Variants in FBXL13 observed in about 807,000 individuals in gnomAD.
FBXL13 encodes F-box and leucine-rich repeat protein 13.
A neutral mutation model predicts 83.6 loss-of-function variants in FBXL13; 67 were observed. That is an observed-to-expected ratio of 0.80 (90% CI 0.66 to 0.98). FBXL13 has a LOEUF of 0.98. FBXL13 is among the 50% of genes least tolerant of loss of function. The pLI is 0.00. For missense variants in FBXL13, 822 were observed against 866.5 expected (o/e 0.95, Z 0.64); for synonymous variants, 272 against 299.5 (o/e 0.91, Z 0.95).
At chr7:102,815,134 A>G (rs1194181280) in intron 19 of FBXL13, among the ~76,000 whole-genome samples, 1 of 148,958 alleles carries the variant, frequency 6.7e-6, no homozygotes, top group African/African-American at 2.6e-5. Context: ...ACCCATCTCT[A>G]TCAGTCTAAA....
Position 103,039,891 on chromosome 7 carries a change from A to G in FBXL13, c.1-10473T>C, listed in dbSNP as rs1337559727. ...AAAAACATTCCAAATGGTAAAGACC[A>G]TCGATGCTATGAAGAAACTGCATCA... On this transcript the variant is annotated intron_variant, in intron 2 of 19. Transcript: ENST00000313221. Among the ~76,000 whole-genome samples the G allele has an allele frequency of 2.0e-5, 3 of 152,182 alleles. 1 individual carries two copies. In the East Asian group the frequency reaches 5.8e-4, roughly 29 times the overall value.
At chr7:102,966,064 G>A (rs186676856) in intron 7 of FBXL13, among the ~76,000 whole-genome samples, 6 of 152,244 alleles carry the variant, frequency 3.9e-5, no homozygotes, top group Non-Finnish European at 7.4e-5. Flanking sequence ...TCTTTACGTC[G>A]CATCTGGACA....
At chr7:103,036,538 T>G (rs970922502) in intron 2 of FBXL13, among the ~76,000 whole-genome samples, 1 of 152,194 alleles carries the variant, frequency 6.6e-6, no homozygotes, top group Non-Finnish European at 1.5e-5. Context: ...TATTTATTTT[T>G]GAGACAGAGT....
intron 17 of FBXL13, among the ~76,000 whole-genome samples, chr7:102,838,704 A>G (rs1802416821): frequency 6.6e-6 from 1 of 152,196 alleles, no homozygotes; most frequent in African/African-American, 2.4e-5. Flanking sequence ...AGGGTTGTGC[A>G]GGATGTGCCT....
chr7:102,949,858 C>T (rs1234576419), intron 8 of FBXL13, among the ~76,000 whole-genome samples: 1 of 152,192 alleles, frequency 6.6e-6, no homozygotes, highest in African/African-American at 2.4e-5. Context: ...GTAATCCCAA[C>T]ACTTCAGGAG....
intron 11 of FBXL13, among the ~76,000 whole-genome samples, chr7:102,892,674 A>AT (rs970117500): frequency 6.6e-6 from 1 of 152,162 alleles, no homozygotes; most frequent in African/African-American, 2.4e-5. Context: ...AAATGCAACA[A>AT]TTTTTTTAAC....
rs369242358 is a variant in FBXL13, at chr7:102,925,495, G to A, written c.878+779C>T. Among the ~76,000 whole-genome samples the A allele has an allele frequency of 1.6e-4, 25 of 152,180 alleles. No individual in the cohort carries two copies. The South Asian group carries it at 1.9e-3, about 11-fold the overall frequency. ...TCCAAAAAAGAGAAGCAATATTCAC[G>A]TCCAATGTTGTCAACACTCCATAAA... is the stretch of plus-strand genomic sequence containing the variant. On this transcript the variant is annotated intron_variant, in intron 10 of 19. Transcript: ENST00000313221.
At chr7:103,061,807 A>G (rs1244142569) in intron 1 of FBXL13, among the ~76,000 whole-genome samples, 4 of 151,900 alleles carry the variant, frequency 2.6e-5, no homozygotes. Flanking sequence ...GCATGGTGGC[A>G]GGCGCCGGTA....
intron 11 of FBXL13, among the ~76,000 whole-genome samples, chr7:102,896,521 G>A (rs968512271): frequency 6.6e-6 from 1 of 152,192 alleles, no homozygotes; most frequent in Admixed American, 6.5e-5. Context: ...CTGTAATAAA[G>A]TACCACAAAC....
chr7:102,915,857 A>G (rs1362851967), intron 10 of FBXL13, among the ~76,000 whole-genome samples: 1 of 152,246 alleles, frequency 6.6e-6, no homozygotes, highest in South Asian at 2.1e-4. Flanking sequence ...AATACTTATA[A>G]CAATTGAAAT....
At chr7:103,018,821 TA>T (rs1257130742) in intron 6 of FBXL13, among the ~76,000 whole-genome samples, 9 of 152,178 alleles carry the variant, frequency 5.9e-5, no homozygotes, top group African/African-American at 1.9e-4. Flanking sequence ...CCCAGATTCA[TA>T]AAGCAAGTCC....
chr7:102,972,893 C>T (rs918415992), intron 6 of FBXL13, among the ~76,000 whole-genome samples: 1 of 151,820 alleles, frequency 6.6e-6, no homozygotes, highest in African/African-American at 2.4e-5. Flanking sequence ...ATTAATGTAG[C>T]TATCTATTTT....
chr7:102,999,110 G>A (rs971344513), intron 6 of FBXL13, among the ~76,000 whole-genome samples: 1 of 151,354 alleles, frequency 6.6e-6, no homozygotes, highest in East Asian at 1.9e-4. Flanking sequence ...CCAAATTGTT[G>A]AGGGTTTTTT....
At chr7:102,913,406 T>C (rs1436208270) in intron 10 of FBXL13, among the ~76,000 whole-genome samples, 191 bp from the exon 12 acceptor site, 1 of 152,234 alleles carries the variant, frequency 6.6e-6, no homozygotes, top group Non-Finnish European at 1.5e-5. Flanking sequence ...TAACACACAA[T>C]ACATTTAATA....
intron 9 of FBXL13, among the ~76,000 whole-genome samples, chr7:102,929,279 G>A (rs1210648957): frequency 1.3e-5 from 2 of 152,174 alleles, no homozygotes; most frequent in East Asian, 1.9e-4. Flanking sequence ...GTTCTAAAAC[G>A]GGAGATACAT....
intron 1 of FBXL13, chr7:103,074,207 T>C: frequency 1.0e-6 from 1 of 989,992 alleles, no homozygotes; most frequent in Non-Finnish European, 1.2e-6. Flanking sequence ...CCTCCATCTA[T>C]TTTCTGCCCT....
chr7:103,016,248 C>T (rs771641074), intron 6 of FBXL13, among the ~76,000 whole-genome samples: 3 of 150,656 alleles, frequency 2.0e-5, no homozygotes, highest in African/African-American at 2.4e-5. Context: ...ATCACATTAC[C>T]CAACTTCAAA....
intron 1 of FBXL13, among the ~76,000 whole-genome samples, chr7:103,060,020 T>TTATTTA (rs1554517878): frequency 1.4e-4 from 7 of 50,070 alleles, no homozygotes; most frequent in Non-Finnish European, 8.1e-5. Context: ...GCAAGATATT[T>TTATTTA]TATATATATA....
At chr7:102,931,814 A>G (rs368738037) in intron 9 of FBXL13, 67 bp downstream of exon 10, 19 of 1,445,634 alleles carry the variant, frequency 1.3e-5, no homozygotes, top group South Asian at 1.1e-4. Context: ...TCTATTCTGC[A>G]TATTGGCACC....
Sources: gnomAD v4.1 joint callset for allele counts (sites outside exome capture counted in the v4.1 genomes callset) on GRCh38, gnomAD v4.1.1 for gene constraint, MANE v1.5 for transcripts, NCBI Gene and HGNC (gene_info 2026-07-23, HGNC 2026-07-21) for gene names.